Variants in OTC observed in about 807,000 individuals in gnomAD.
The protein encoded by OTC is ornithine transcarbamylase, mitochondrial.
OTC carries 3 observed loss-of-function variants against 30.3 expected under a neutral mutation model. That is an observed-to-expected ratio of 0.10 (90% CI 0.05 to 0.26). The LOEUF (loss-of-function observed/expected upper bound fraction) is 0.26, where lower values mean the gene tolerates loss of function less well. Among genes scored for constraint, OTC ranks in the 10% least tolerant of loss-of-function variants. The probability of loss-of-function intolerance (pLI) is 1.00; values close to 1 mark genes in which losing one functional copy is unlikely to be tolerated. For synonymous variants in OTC, 111 were observed against 99.7 expected, an observed-to-expected ratio of 1.11 and a Z score of -0.67; for missense variants, 194 against 260.3, an observed-to-expected ratio of 0.75 and a Z score of 1.75.
intron 6 of OTC, among the ~76,000 whole-genome samples, chrX:38,408,195 G>GC (rs1569280595): frequency 8.9e-6 from 1 of 112,088 alleles, no homozygotes; most frequent in Non-Finnish European, 1.9e-5. Context: ...CAAGCACCCT[G>GC]CCCTCAAAAG....
intron 6 of OTC, among the ~76,000 whole-genome samples, chrX:38,407,764 T>G (rs2068522249): frequency 9.0e-6 from 1 of 111,415 alleles, no homozygotes; most frequent in Admixed American, 9.5e-5. Context: ...AGGATGGAGG[T>G]GGGGAGCCTT....
At chrX:38,349,854 T>C (rs2068205874), upstream of OTC, among the ~76,000 whole-genome samples, 1 of 111,784 alleles carries the variant, frequency 8.9e-6, no homozygotes, top group African/African-American at 3.3e-5. Flanking sequence ...TAGTTTTTTG[T>C]TTTCATAGCG....
intron 8 of OTC, 149 bp downstream of exon 8, chrX:38,409,174 T>G (rs767005166): frequency 4.0e-5 from 25 of 623,016 alleles, no homozygotes; most frequent in South Asian, 3.6e-4. Context: ...ACTTCTCTCC[T>G]TCCAAAGATT....
intron 4 of OTC, among the ~76,000 whole-genome samples, chrX:38,398,578 G>A (rs1602028209): frequency 1.8e-5 from 2 of 110,951 alleles, no homozygotes; most frequent in Middle Eastern, 4.7e-3. Flanking sequence ...ATGACCTCTA[G>A]GATTAAACAC....
At chrX:38,383,892 T>C (rs1488492072) in intron 4 of OTC, among the ~76,000 whole-genome samples, 1 of 111,211 alleles carries the variant, frequency 9.0e-6, no homozygotes, top group Non-Finnish European at 1.9e-5. Flanking sequence ...ACCCAGAGGT[T>C]TGATGATTCA....
chrX:38,399,033 CT>C (rs1251806689), intron 4 of OTC, among the ~76,000 whole-genome samples: 1 of 111,859 alleles, frequency 8.9e-6, no homozygotes, highest in Non-Finnish European at 1.9e-5. Context: ...TAGACAGAGT[CT>C]TCTGTTTTTG....
rs934580236 is a variant in OTC at position 38,393,215 on chromosome X, G to A, written c.387-8060G>A. Among the ~76,000 whole-genome samples the A allele has an allele frequency of 3.6e-5, 4 of 112,158 alleles. No individual in the cohort carries two copies. In the Admixed American group the frequency reaches 3.8e-4, roughly 11 times the overall value. On this transcript the variant is annotated intron_variant, in intron 4 of 9. Coordinates refer to ENST00000039007, the MANE Select transcript of OTC (RefSeq NM_000531.6). ...CTACTCAACCATTTACACATTGATT[G>A]CAAACTTAATGAAATGCTTTTAAAC...
At chrX:38,386,385 AAAT>A (rs1370385150) in intron 4 of OTC, among the ~76,000 whole-genome samples, 6 of 67,731 alleles carry the variant, frequency 8.9e-5, no homozygotes, top group African/African-American at 2.6e-4. Flanking sequence ...AAAAAAAAAA[AAAT>A]ATATATATAT....
chrX:38,410,623 G>A (rs990326605), intron 8 of OTC, among the ~76,000 whole-genome samples: 9 of 110,853 alleles, frequency 8.1e-5, no homozygotes, highest in Non-Finnish European at 1.1e-4. Flanking sequence ...TCTATTATTG[G>A]TTATAGGAGC....
chrX:38,359,546 A>G (rs2068259922), intron 1 of OTC, among the ~76,000 whole-genome samples: 4 of 109,659 alleles, frequency 3.6e-5, no homozygotes, highest in Admixed American at 1.9e-4. Context: ...CAGCCTCCCG[A>G]ATAGCTGGGA....
chrX:38,381,562 G>C, intron 4 of OTC, 133 bp downstream of exon 4: 2 of 515,176 alleles, frequency 3.9e-6, no homozygotes, highest in Non-Finnish European at 6.8e-6. Flanking sequence ...CTCTTTCCCT[G>C]ATATTCTGAA....
Position 38,369,886 on chromosome X carries a change from A to G in OTC, c.298+9A>G, listed in dbSNP as rs376393166. ...ATTGTCTACAGAAACAGGTAAGTCC[A>G]CTGCCAAATTCACACTTGTGTTGAA... On this transcript the variant is annotated intron_variant, in intron 3 of 9. Transcript: ENST00000039007. 23 of 1,138,128 alleles carry G rather than the reference A, an allele frequency of 2.0e-5. No homozygotes were observed. The highest frequency in any genetic ancestry group is 2.7e-5 in the Non-Finnish European group (22 of 828,322). 93.8% of individuals were successfully genotyped at this position (1,138,128 alleles called of 1,213,427 possible).
At chrX:38,381,878 A>G (rs1409926238) in intron 4 of OTC, among the ~76,000 whole-genome samples, 1 of 109,052 alleles carries the variant, frequency 9.2e-6, no homozygotes, top group African/African-American at 3.4e-5. Flanking sequence ...CCAGATTGTC[A>G]TAAAGAAGTG....
upstream of OTC, among the ~76,000 whole-genome samples, chrX:38,350,389 G>T (rs926020284): frequency 9.0e-6 from 1 of 111,724 alleles, no homozygotes; most frequent in African/African-American, 3.3e-5. Context: ...TGAAAGGCTA[G>T]GTGAACAAAG....
intron 3 of OTC, among the ~76,000 whole-genome samples, chrX:38,375,948 G>A (rs970388992): frequency 8.9e-6 from 1 of 111,930 alleles, no homozygotes; most frequent in Non-Finnish European, 1.9e-5. Flanking sequence ...TGGTGACTGA[G>A]AAGGAGCAAC....
chrX:38,366,876 A>G (rs2068298886), intron 1 of OTC, among the ~76,000 whole-genome samples: 1 of 112,175 alleles, frequency 8.9e-6, no homozygotes, highest in East Asian at 2.8e-4. Flanking sequence ...ACATGAGGTT[A>G]TATGTGATTT....
At chrX:38,366,671 G>A (rs1375484243) in intron 1 of OTC, among the ~76,000 whole-genome samples, 1 of 112,042 alleles carries the variant, frequency 8.9e-6, no homozygotes, top group Non-Finnish European at 1.9e-5. Flanking sequence ...TAGAAGCAGA[G>A]AGTGGGTAAA....
intron 3 of OTC, among the ~76,000 whole-genome samples, chrX:38,376,634 A>G (rs772151704): frequency 3.6e-5 from 4 of 112,120 alleles, no homozygotes; most frequent in Non-Finnish European, 5.6e-5. Flanking sequence ...CTGATAATGA[A>G]GGGATGGCAA....
intron 6 of OTC, among the ~76,000 whole-genome samples, chrX:38,407,588 A>C (rs2068521659): frequency 9.0e-6 from 1 of 111,251 alleles, no homozygotes; most frequent in Non-Finnish European, 1.9e-5. Flanking sequence ...TAGAGTTTTG[A>C]GGAGCTGACA....
Sources: allele counts gnomAD v4.1 joint callset (sites outside exome capture counted in the v4.1 genomes callset), GRCh38; gene constraint gnomAD v4.1.1; transcripts MANE v1.5; gene names NCBI Gene and HGNC (gene_info 2026-07-23, HGNC 2026-07-21).